NCOR1: variants seen among roughly 807,000 people sequenced by gnomAD.
NCOR1 encodes the protein protein phosphatase 1, regulatory subunit 109.
In NCOR1, 63 loss-of-function variants were observed where a neutral mutation model predicts 288.1. The observed-to-expected ratio is 0.22, with a 90% CI of 0.18 to 0.27. The LOEUF is 0.27. Among genes scored for constraint, NCOR1 ranks in the 10% least tolerant of loss-of-function variants. The pLI, the probability that NCOR1 is intolerant of heterozygous loss-of-function variation, is 1.00. For missense variants in NCOR1, 2,397 were observed against 3,019.2 expected (o/e 0.79, Z 4.83); for synonymous variants, 1,007 against 1,065.9 (o/e 0.94, Z 1.08).
intron 1 of NCOR1, among the ~76,000 whole-genome samples, chr17:16,212,844 G>A (rs1489840013): frequency 6.6e-6 from 1 of 151,952 alleles, no homozygotes; most frequent in Non-Finnish European, 1.5e-5. Context: ...GGCTGAGACA[G>A]GCAGATCGCT....
At chr17:16,041,582 T>A (rs1334894703) in intron 42 of NCOR1, among the ~76,000 whole-genome samples, 1 of 151,062 alleles carries the variant, frequency 6.6e-6, no homozygotes, top group Admixed American at 6.6e-5. Flanking sequence ...GCCCAGCTAA[T>A]TTTTGTATTT....
intron 15 of NCOR1, among the ~76,000 whole-genome samples, chr17:16,122,212 T>C (rs1402640313): frequency 6.6e-6 from 1 of 152,246 alleles, no homozygotes; most frequent in Admixed American, 6.5e-5. Context: ...ATGGTTGTTA[T>C]ATTTAAGGAA....
chr17:16,117,976 G>T lies in NCOR1; in HGVS notation c.1967C>A (p.Thr656Lys), dbSNP rs920951492. The change falls in exon 18 of 46, where the codon ACG becomes AAG. Residue 656 changes from threonine (T) to lysine (K), a missense_variant. Transcript: ENST00000268712. ...NWAAIAKMVG[T>K]KSEAQCKNFY... ...GTTTTTACATTGAGCTTCACTTTTC[G>T]TTCCCACCATTTTAGCAATTGCTGC... The T allele has an allele frequency of 3.7e-6, 6 of 1,613,704 alleles. No individual in the cohort carries two copies. The highest frequency in any genetic ancestry group is 5.1e-6 in the Non-Finnish European group (6 of 1,179,858).
chr17:16,104,020 C>T (rs1280208931), intron 19 of NCOR1, among the ~76,000 whole-genome samples: 1 of 152,198 alleles, frequency 6.6e-6, no homozygotes, highest in Non-Finnish European at 1.5e-5. Flanking sequence ...CCAAAAAAGC[C>T]TTCCATGGTT....
intron 23 of NCOR1, among the ~76,000 whole-genome samples, chr17:16,083,226 C>T (rs2063670028): frequency 6.6e-6 from 1 of 150,548 alleles, no homozygotes; most frequent in African/African-American, 2.4e-5. Context: ...GAGCAAGACT[C>T]TGTCTCAAAA....
chr17:16,106,854 C>CACAT (rs1555652880), intron 19 of NCOR1, among the ~76,000 whole-genome samples: 2 of 46,156 alleles, frequency 4.3e-5, no homozygotes, highest in African/African-American at 2.1e-4. Flanking sequence ...CTTGATCAGA[C>CACAT]ATATATATAT....
chr17:16,073,979 A>T (rs759800121), intron 27 of NCOR1, among the ~76,000 whole-genome samples: 1 of 152,270 alleles, frequency 6.6e-6, no homozygotes, highest in East Asian at 1.9e-4. Flanking sequence ...TGAAGGATGA[A>T]TAAGAGTTGT....
chr17:16,039,826 TCGCAC>T (rs2057214227), intron 43 of NCOR1, 172 bp from the exon 44 acceptor site: 1 of 617,734 alleles, frequency 1.6e-6, no homozygotes, highest in Non-Finnish European at 2.8e-6. Context: ...TCTCTCTCTG[TCGCAC>T]CCAGGCTGGA....
At chr17:16,074,429 A>G (rs1487769099) in intron 27 of NCOR1, among the ~76,000 whole-genome samples, 1 of 152,206 alleles carries the variant, frequency 6.6e-6, no homozygotes, top group African/African-American at 2.4e-5. Flanking sequence ...GAAATGGCTT[A>G]GTGATTTGGT....
intron 14 of NCOR1, among the ~76,000 whole-genome samples, chr17:16,129,818 T>A (rs1160109): frequency 0.45 from 68,815 of 152,028 alleles, 16,595 homozygotes; most frequent in Middle Eastern, 0.58. Flanking sequence ...AAATTCAGTA[T>A]CCCCTTAGAG....
intron 1 of NCOR1, among the ~76,000 whole-genome samples, chr17:16,196,133 G>A (rs1031808412): frequency 1.3e-5 from 2 of 148,742 alleles, no homozygotes; most frequent in African/African-American, 4.9e-5. Flanking sequence ...TTATATAATT[G>A]TATATATAAA....
At chr17:16,208,377 C>A (rs1192273206) in intron 1 of NCOR1, among the ~76,000 whole-genome samples, 1 of 150,984 alleles carries the variant, frequency 6.6e-6, no homozygotes, top group Non-Finnish European at 1.5e-5. Flanking sequence ...GTATTTCTAA[C>A]TCACAGTTTT....
At chr17:16,164,934 G>A (rs1398756611) in intron 5 of NCOR1, 45 bp downstream of exon 5, 2 of 1,329,496 alleles carry the variant, frequency 1.5e-6, no homozygotes, top group East Asian at 2.5e-5. Flanking sequence ...CTACTGTAGG[G>A]AGACAAACAT....
intron 9 of NCOR1, among the ~76,000 whole-genome samples, chr17:16,146,959 T>C (rs1599411557): frequency 6.6e-6 from 1 of 152,344 alleles, no homozygotes; most frequent in East Asian, 1.9e-4. Flanking sequence ...ATTTTGTTGT[T>C]ATCCTTCCAA....
chr17:16,035,215 T>G (rs1320898723), intron 44 of NCOR1, among the ~76,000 whole-genome samples: 1 of 152,220 alleles, frequency 6.6e-6, no homozygotes, highest in East Asian at 1.9e-4. Context: ...CTGGGATGGC[T>G]GTGGCAATTT....
chr17:16,116,134 A>G (rs772872169), intron 18 of NCOR1, among the ~76,000 whole-genome samples: 5 of 152,178 alleles, frequency 3.3e-5, no homozygotes, highest in Non-Finnish European at 5.9e-5. Flanking sequence ...AGATCTTGTG[A>G]GACTTATTCA....
In NCOR1 at chr17:16,152,121, T is replaced by G. The variant is rs2153382397; in HGVS notation, c.790-123A>C. The G allele has an allele frequency of 6.9e-6, 4 of 575,970 alleles. No individual in the cohort carries two copies. The South Asian group carries it at 1.3e-4, about 18-fold the overall frequency. The allele number at this position is 575,970 out of a possible 1,614,324, so 35.7% of individuals were successfully genotyped here. On this transcript the variant is annotated intron_variant, in intron 7 of 45. Coordinates refer to ENST00000268712, the MANE Select transcript of NCOR1 (RefSeq NM_006311.4). ...AATGGATCTACACAATAACATGCCCTACCAAAACCTCCAAACTTTTATTTT... is the reference window on the plus strand; with the variant it reads ...AATGGATCTACACAATAACATGCCCGACCAAAACCTCCAAACTTTTATTTT...
At chr17:16,188,626 T>G (rs2087325072) in intron 2 of NCOR1, among the ~76,000 whole-genome samples, 1 of 151,858 alleles carries the variant, frequency 6.6e-6, no homozygotes, top group East Asian at 1.9e-4. Context: ...AAAAAAATTT[T>G]TTTTTCAAAG....
In NCOR1 at chr17:16,062,247, C is replaced by A. The variant is rs1485609165; in HGVS notation, c.5245G>T (p.Gly1749Cys). The A allele has an allele frequency of 1.2e-6, 2 of 1,609,550 alleles. No individual in the cohort carries two copies. The highest frequency in any genetic ancestry group is 1.7e-6 in the Non-Finnish European group (2 of 1,179,112). Reference protein sequence around the residue: ...RPGSEQPGRPGSHGYVRSPSP... With the variant: ...RPGSEQPGRPCSHGYVRSPSP... ...GGGGAGCGAACATATCCATGACTGC[C>A]AGGTCGGCCAGGCTGTTCTGAGCCT... Residue 1749 changes from glycine to cysteine, a missense_variant, in exon 36 of 46, where the codon GGC becomes TGC. Physicochemically the swap from Gly to Cys is radical, Grantham distance 159. This residue lies in a region of NCOR1 where 1,872 missense variants were observed against 2,187.8 expected (regional missense o/e 0.86). Transcript: ENST00000268712.
Sources: allele counts gnomAD v4.1 joint callset (sites outside exome capture counted in the v4.1 genomes callset), GRCh38; gene constraint gnomAD v4.1.1; regional missense constraint gnomAD v4.1.1; transcripts MANE v1.5; gene names NCBI Gene and HGNC (gene_info 2026-07-23, HGNC 2026-07-21).